The following TRIM32 variants were observed in gnomAD, a reference collection of about 807,000 sequenced individuals.
The protein encoded by TRIM32 is E3 ubiquitin-protein ligase TRIM32.
TRIM32 carries 19 observed loss-of-function variants against 36.0 expected under a neutral mutation model. That is an observed-to-expected ratio of 0.53 (90% CI 0.37 to 0.77). The LOEUF (loss-of-function observed/expected upper bound fraction) is 0.77. TRIM32 is among the 30% of genes least tolerant of loss of function. The probability of loss-of-function intolerance (pLI) is 0.00; values close to 1 mark genes in which losing one functional copy is unlikely to be tolerated. For synonymous variants in TRIM32, 309 were observed against 318.5 expected (o/e 0.97, Z 0.32); for missense variants, 747 against 845.2 (o/e 0.88, Z 1.44).
chr9:116,689,931 GAGT>G (rs1156882696), intron 1 of TRIM32, among the ~76,000 whole-genome samples: 1 of 152,164 alleles, frequency 6.6e-6, no homozygotes, highest in Non-Finnish European at 1.5e-5. Flanking sequence ...CTCTGAAGGA[GAGT>G]AACTACTGTT....
At position 116,699,162 on chromosome 9, in the gene TRIM32, G is replaced by A; in HGVS notation, c.1420G>A (p.Gly474Ser). ...CHRSQLSKPW[G>S]ITALPSGQFV... ...CAGGAGCCAGCTGAGCAAACCATGG[G>A]GTATCACAGCCTTGCCATCTGGCCA... The change falls in exon 2 of 2, where the codon GGT becomes AGT. Residue 474 changes from glycine to serine, a missense_variant. By Grantham distance (56) the Gly-to-Ser change is moderately conservative. Coordinates refer to ENST00000450136, the MANE Select transcript of TRIM32 (RefSeq NM_012210.4). The surrounding 1 kb of genome is among the most constrained non-coding windows in gnomAD (Gnocchi z 4.2). 1.2e-6 allele frequency: 2 copies of A among 1,614,246 alleles called. No homozygotes were observed. The highest frequency in any genetic ancestry group is 2.2e-5 in the South Asian group (2 of 91,086).
rs748952234 is a variant in TRIM32 at position 116,698,458 on chromosome 9, G to C, written c.716G>C (p.Cys239Ser). The change falls in exon 2 of 2, where the codon TGT becomes TCT. Residue 239 changes from cysteine to serine, a missense_variant. Physicochemically the swap from Cys to Ser is moderately radical, Grantham distance 112. Coordinates refer to ENST00000450136, the MANE Select transcript of TRIM32 (RefSeq NM_012210.4). This position sits in a 1 kb window ranked among gnomAD's most constrained non-coding sequence, Gnocchi z 4.4. The part of the protein sequence containing the change: ...NIAEVQAVSR[C>S]DYFLAKIKQA... Reference sequence around the variant, plus strand: ...GCAGAGGTGCAGGCTGTGTCTCGCTGTGACTACTTCCTGGCCAAGATCAAG... The same window carrying C: ...GCAGAGGTGCAGGCTGTGTCTCGCTCTGACTACTTCCTGGCCAAGATCAAG... The C allele has an allele frequency of 6.2e-7, 1 of 1,614,038 alleles. No individual in the cohort carries two copies.
intron 1 of TRIM32, among the ~76,000 whole-genome samples, chr9:116,691,206 T>C (rs1395638355): frequency 2.6e-5 from 4 of 152,176 alleles, no homozygotes; most frequent in Non-Finnish European, 4.4e-5. Context: ...TTTGTATATT[T>C]CCTAGGATCT....
chr9:116,695,600 C>T (rs894563373), intron 1 of TRIM32, among the ~76,000 whole-genome samples: 2 of 152,172 alleles, frequency 1.3e-5, no homozygotes, highest in Non-Finnish European at 2.9e-5. Context: ...ACTTGCCCTC[C>T]ACTTCCTCCT....
intron 1 of TRIM32, among the ~76,000 whole-genome samples, chr9:116,689,110 C>G (rs1860433466): frequency 6.6e-6 from 1 of 152,098 alleles, no homozygotes. Context: ...ACGCCCTTCC[C>G]CCCCGCAGTA....
chr9:116,691,891 GC>G (rs1267670325), intron 1 of TRIM32, among the ~76,000 whole-genome samples: 2 of 152,160 alleles, frequency 1.3e-5, no homozygotes, highest in Non-Finnish European at 2.9e-5. Context: ...GATAAACCTT[GC>G]AAAAAACCCA....
At chr9:116,694,662 G>A (rs1235868722) in intron 1 of TRIM32, among the ~76,000 whole-genome samples, 7 of 147,894 alleles carry the variant, frequency 4.7e-5, no homozygotes, top group Admixed American at 1.3e-4. Flanking sequence ...TAGTAGAGAC[G>A]GAGTTTCACC....
rs1410244919 is a variant in TRIM32, at chr9:116,699,885, C to T, written c.*181C>T. ...TTTGTTATGTCCCCCTCCCCGCTTC[C>T]CACCTAAATTTAGAGCTTTAAAAGA... On this transcript the variant is annotated 3_prime_UTR_variant, in exon 2 of 2. Transcript: ENST00000450136. The surrounding 1 kb of genome is among the most constrained non-coding windows in gnomAD (Gnocchi z 4.2). 2.5e-5 allele frequency: 20 copies of T among 811,248 alleles called. No homozygotes were observed. The highest frequency in any genetic ancestry group is 3.9e-5 in the Non-Finnish European group (20 of 512,670). The allele number at this position is 811,248 out of a possible 1,614,324, so 50.3% of individuals were successfully genotyped here. A position where few individuals can be genotyped will look rare whatever the true frequency, so the allele number is the denominator to read the frequency against.
Position 116,697,154 on chromosome 9 carries a change from C to T in TRIM32, c.-81-508C>T, listed in dbSNP as rs558095719. ...ACATTATGTGGACTTGCATGTTATACTTATTCCTTTTACTGTGCATAATTC... is the reference window on the plus strand; with the variant it reads ...ACATTATGTGGACTTGCATGTTATATTTATTCCTTTTACTGTGCATAATTC... On this transcript the variant is annotated intron_variant, in intron 1 of 1. Transcript: ENST00000450136. 3.1e-3 allele frequency among the ~76,000 whole-genome samples: 478 copies of T among 152,254 alleles called. 6 individuals are homozygous for T. Among genetic ancestry groups the T allele is most frequent in the Middle Eastern group, 0.017 (5 of 294 alleles).
chr9:116,693,932 G>A lies in TRIM32; in HGVS notation c.-81-3730G>A, dbSNP rs1860703066. Among the ~76,000 whole-genome samples, 3 of 152,156 alleles carry A rather than the reference G, an allele frequency of 2.0e-5. No individual in the cohort carries two copies. The South Asian group carries it at 6.2e-4, about 32-fold the overall frequency. Reference sequence around the variant, plus strand: ...GTCTCTTAGCTCCATTTCAGGCTAAGATCCTTCACAAAGCAGTGTTTTCAA... The same window carrying A: ...GTCTCTTAGCTCCATTTCAGGCTAAAATCCTTCACAAAGCAGTGTTTTCAA... On this transcript the variant is annotated intron_variant, in intron 1 of 1. Coordinates refer to ENST00000450136, the MANE Select transcript of TRIM32 (RefSeq NM_012210.4).
At chr9:116,688,806 C>G (rs1860412549) in intron 1 of TRIM32, among the ~76,000 whole-genome samples, 1 of 151,948 alleles carries the variant, frequency 6.6e-6, no homozygotes, top group Admixed American at 6.6e-5. Flanking sequence ...TCCATTACAG[C>G]TTGAAGGGGC....
At chr9:116,688,822 C>T (rs113050442) in intron 1 of TRIM32, among the ~76,000 whole-genome samples, 1 of 152,004 alleles carries the variant, frequency 6.6e-6, no homozygotes, top group Non-Finnish European at 1.5e-5. Context: ...GGGGCAGTGG[C>T]TCTGTGAGTG....
At chr9:116,694,294 C>G (rs951511103) in intron 1 of TRIM32, among the ~76,000 whole-genome samples, 1 of 152,110 alleles carries the variant, frequency 6.6e-6, no homozygotes, top group African/African-American at 2.4e-5. Context: ...CTGATCTGCA[C>G]TGCCAGCTCT....
chr9:116,688,771 G>C (rs1285022755), intron 1 of TRIM32, among the ~76,000 whole-genome samples: 2 of 152,146 alleles, frequency 1.3e-5, no homozygotes, highest in African/African-American at 2.4e-5. Flanking sequence ...AGGGGAATGA[G>C]TGGAATAATT....
intron 1 of TRIM32, among the ~76,000 whole-genome samples, chr9:116,691,054 G>T (rs1182087926): frequency 5.3e-5 from 8 of 152,082 alleles, no homozygotes; most frequent in Admixed American, 3.3e-4. Context: ...CAAGTAGCTG[G>T]GACCACAAGT....
intron 1 of TRIM32, among the ~76,000 whole-genome samples, chr9:116,695,331 C>A (rs1187185789): frequency 6.6e-6 from 1 of 152,070 alleles, no homozygotes; most frequent in African/African-American, 2.4e-5. Flanking sequence ...TAGTAACTAG[C>A]ATATAATAGG....
rs2132073931 is a variant in TRIM32, at chr9:116,698,847, G to A, written c.1105G>A (p.Gly369Arg). Residue 369 changes from glycine to arginine, a missense_variant, in exon 2 of 2, where the codon GGA (glycine) becomes AGA (arginine). Physicochemically the swap from Gly to Arg is moderately radical, Grantham distance 125. Transcript: ENST00000450136. The surrounding 1 kb of genome is among the most constrained non-coding windows in gnomAD (Gnocchi z 4.4). The stretch of plus-strand genomic sequence containing the variant: ...GATGGGGGCCAAAGGCAGCACTCCA[G>A]GAATGTTCAATCTTCCAGTCAGTCT... ...KKMGAKGSTP[G>R]MFNLPVSLYV... The A allele has an allele frequency of 3.1e-6, 5 of 1,614,224 alleles. No homozygotes were observed. The highest frequency in any genetic ancestry group is 4.2e-6 in the Non-Finnish European group (5 of 1,180,052).
chr9:116,691,866 C>T (rs1370027668), intron 1 of TRIM32, among the ~76,000 whole-genome samples: 1 of 152,122 alleles, frequency 6.6e-6, no homozygotes, highest in Admixed American at 6.5e-5. Flanking sequence ...AGAAAGCTGA[C>T]ATAAAAGGAA....
At position 116,699,923 on chromosome 9, in the gene TRIM32, A is replaced by G; in HGVS notation, c.*219A>G. 1.5e-6 allele frequency: 1 copy of G among 657,322 alleles called. No homozygotes were observed. Among genetic ancestry groups the G allele is most frequent in the Non-Finnish European group, 2.6e-6 (1 of 377,838 alleles). The allele number at this position is 657,322 out of a possible 1,614,324, so 40.7% of individuals were successfully genotyped here. A position where few individuals can be genotyped will look rare whatever the true frequency, so the allele number is the denominator to read the frequency against. ...GAGCTTTAAAAGATGCACTGCCCAA[A>G]TAGGACACACGATGGTGTTAGCTGA... On this transcript the variant is annotated 3_prime_UTR_variant, in exon 2 of 2. Coordinates refer to ENST00000450136, the MANE Select transcript of TRIM32 (RefSeq NM_012210.4). This position sits in a 1 kb window ranked among gnomAD's most constrained non-coding sequence, Gnocchi z 4.2.
Sources: allele counts gnomAD v4.1 joint callset (sites outside exome capture counted in the v4.1 genomes callset), GRCh38; gene constraint gnomAD v4.1.1; non-coding constraint Gnocchi (gnomAD v3.1); transcripts MANE v1.5; gene names NCBI Gene and HGNC (gene_info 2026-07-23, HGNC 2026-07-21).